FOXN3: variants seen among roughly 807,000 people sequenced by gnomAD.
The protein encoded by FOXN3 is forkhead box protein N3.
In FOXN3, 7 loss-of-function variants were observed where a neutral mutation model predicts 38.4. The ratio of observed to expected loss-of-function variants is 0.18; its 90% confidence interval spans 0.10 to 0.34. The LOEUF is 0.34. FOXN3 is among the 10% of genes least tolerant of loss of function. The probability of loss-of-function intolerance (pLI) is 1.00; values close to 1 mark genes in which losing one functional copy is unlikely to be tolerated. For synonymous variants in FOXN3, 230 were observed against 242.2 expected (o/e 0.95, Z 0.47); for missense variants, 456 against 613.4 (o/e 0.74, Z 2.71).
intron 3 of FOXN3, among the ~76,000 whole-genome samples, chr14:89,343,831 C>T (rs1040994229): frequency 6.6e-6 from 1 of 152,004 alleles, no homozygotes. Flanking sequence ...GGTGCAATCT[C>T]GGCTCACTGC....
intron 1 of FOXN3, among the ~76,000 whole-genome samples, chr14:89,416,176 A>C (rs1342484139): frequency 6.6e-6 from 1 of 152,178 alleles, no homozygotes; most frequent in Non-Finnish European, 1.5e-5. Context: ...TACTTGTCAA[A>C]AACATTTCAA....
chr14:89,225,558 C>T (rs903286670), intron 4 of FOXN3, among the ~76,000 whole-genome samples: 4 of 151,280 alleles, frequency 2.6e-5, no homozygotes, highest in African/African-American at 7.3e-5. Flanking sequence ...GAGCTGAGAT[C>T]GTGCCACTAC....
chr14:89,360,767 T>TACCACCTCCACCACCACCACCTCCAGC (rs1889496204), intron 2 of FOXN3, among the ~76,000 whole-genome samples: 2 of 17,808 alleles, frequency 1.1e-4, no homozygotes, highest in East Asian at 2.3e-3. Context: ...CCTCCACCAC[T>TACCACCTCCACCACCACCACCTCCAGC]ACCACCTCCA....
chr14:89,197,791 T>C (rs1231790364), intron 4 of FOXN3, among the ~76,000 whole-genome samples: 1 of 152,132 alleles, frequency 6.6e-6, no homozygotes, highest in Non-Finnish European at 1.5e-5. Context: ...GAAGGAATCT[T>C]TGTAGGAATC....
At chr14:89,545,869 C>G (rs1486862072) in intron 1 of FOXN3, among the ~76,000 whole-genome samples, 2 of 152,168 alleles carry the variant, frequency 1.3e-5, no homozygotes, top group East Asian at 3.9e-4. Flanking sequence ...TAACCTTTCC[C>G]TGTTACCTAT....
At chr14:89,515,502 G>T (rs890581090) in intron 1 of FOXN3, among the ~76,000 whole-genome samples, 25 of 152,082 alleles carry the variant, frequency 1.6e-4, no homozygotes, top group Non-Finnish European at 3.2e-4. Context: ...GAGGCGGGTG[G>T]ATCACCCGAG....
At chr14:89,357,120 G>A (rs547687898) in intron 2 of FOXN3, among the ~76,000 whole-genome samples, 1 of 152,270 alleles carries the variant, frequency 6.6e-6, no homozygotes, top group Non-Finnish European at 1.5e-5. Context: ...GGAGGCCAAG[G>A]CAGAAGGACA....
chr14:89,294,139 TG>T (rs940363955), intron 3 of FOXN3, among the ~76,000 whole-genome samples: 1 of 152,164 alleles, frequency 6.6e-6, no homozygotes, highest in Non-Finnish European at 1.5e-5. Flanking sequence ...CTCCCAGGCC[TG>T]GGGTCAGCTC....
At chr14:89,576,190 T>C (rs1479079005) in intron 1 of FOXN3, 1 of 152,234 alleles carries the variant, frequency 6.6e-6, no homozygotes, top group Non-Finnish European at 1.5e-5. Context: ...TAGAACAATA[T>C]AAATTTAGTG....
intron 2 of FOXN3, among the ~76,000 whole-genome samples, chr14:89,393,000 T>C (rs151179612): frequency 0.011 from 1,714 of 152,114 alleles, 41 homozygotes; most frequent in African/African-American, 0.04. Context: ...AGAAATGGGG[T>C]TTCACCATAT....
chr14:89,293,051 G>A (rs1886925453), intron 3 of FOXN3, among the ~76,000 whole-genome samples: 2 of 152,188 alleles, frequency 1.3e-5, no homozygotes, highest in Admixed American at 1.3e-4. Flanking sequence ...AGCATTCCTA[G>A]AGTTCTAGCC....
rs531548850 is a variant in FOXN3 at position 89,385,071 on chromosome 14, A to G, written c.543+26863T>C. On this transcript the variant is annotated intron_variant, in intron 2 of 5. Transcript: ENST00000557258. ...TTTTTGCCTTGGCTGTCAGGCACTC[A>G]ATCACAACAAATATATTAGGTCAAG... is the stretch of plus-strand genomic sequence containing the variant. Among the ~76,000 whole-genome samples the G allele has an allele frequency of 1.7e-4, 26 of 152,310 alleles. No individual in the cohort carries two copies. The South Asian group carries it at 5.2e-3, about 30-fold the overall frequency.
In FOXN3 at chr14:89,509,491, C is replaced by CGG. The variant is rs749995571; in HGVS notation, c.-14-97002_-14-97001insCC. Among the ~76,000 whole-genome samples, 105 of 152,296 alleles carry CGG rather than the reference C, an allele frequency of 6.9e-4. 1 individual carries two copies. The highest frequency in any genetic ancestry group is 1.3e-3 in the Non-Finnish European group (88 of 68,018). ...GTGGGATTACAGGTGCCCACCACCA[C>CGG]GCCTGGCTTATTTTTATATTTTTTG... On this transcript the variant is annotated intron_variant, in intron 1 of 6. Transcript: ENST00000345097.
chr14:89,530,652 C>T (rs1358939421), intron 1 of FOXN3, among the ~76,000 whole-genome samples: 1 of 151,670 alleles, frequency 6.6e-6, no homozygotes, highest in African/African-American at 2.4e-5. Context: ...ATCTATTGCC[C>T]AGGCTGGAGT....
intron 1 of FOXN3, among the ~76,000 whole-genome samples, chr14:89,512,406 G>A (rs1377001342): frequency 6.6e-6 from 1 of 152,250 alleles, no homozygotes; most frequent in Middle Eastern, 3.2e-3. Flanking sequence ...TTTTAACAAA[G>A]AGAAGTAAAT....
chr14:89,183,279 T>G (rs1310521040), intron 4 of FOXN3, among the ~76,000 whole-genome samples: 1 of 152,172 alleles, frequency 6.6e-6, no homozygotes, highest in Non-Finnish European at 1.5e-5. Flanking sequence ...GAGCAACAAC[T>G]TAGTCTGATA....
chr14:89,365,820 A>G (rs1890124731), intron 2 of FOXN3, among the ~76,000 whole-genome samples: 1 of 152,244 alleles, frequency 6.6e-6, no homozygotes, highest in Admixed American at 6.5e-5. Context: ...TCAATATATT[A>G]TGTGGCATGA....
At chr14:89,305,007 AT>A (rs1460575359) in intron 3 of FOXN3, among the ~76,000 whole-genome samples, 2 of 151,228 alleles carry the variant, frequency 1.3e-5, no homozygotes, top group Non-Finnish European at 2.9e-5. Flanking sequence ...TCTTAATTCT[AT>A]GTGGCCAAAG....
At chr14:89,466,053 C>G (rs1028353132) in intron 1 of FOXN3, among the ~76,000 whole-genome samples, 3 of 152,180 alleles carry the variant, frequency 2.0e-5, no homozygotes, top group African/African-American at 4.8e-5. Flanking sequence ...ACAGTGTGAT[C>G]GTCACTGAGC....
Sources: allele counts gnomAD v4.1 joint callset (sites outside exome capture counted in the v4.1 genomes callset), GRCh38; gene constraint gnomAD v4.1.1; transcripts MANE v1.5; gene names NCBI Gene and HGNC (gene_info 2026-07-23, HGNC 2026-07-21).